UNC5D: variants seen among roughly 807,000 people sequenced by gnomAD.
UNC5D encodes the protein unc-5 netrin receptor D, also known as netrin receptor UNC5D.
UNC5D carries 39 observed loss-of-function variants against 105.4 expected under a neutral mutation model. That is an observed-to-expected ratio of 0.37 (90% CI 0.29 to 0.48). The LOEUF (loss-of-function observed/expected upper bound fraction) is 0.48, where lower values mean the gene tolerates loss of function less well. UNC5D is among the 20% of genes least tolerant of loss of function. UNC5D has a pLI of 0.98. For missense variants in UNC5D, 991 were observed against 1,202.4 expected, an observed-to-expected ratio of 0.82 and a Z score of 2.60; for synonymous variants, 452 against 450.4, an observed-to-expected ratio of 1.00 and a Z score of -0.04.
At chr8:35,405,147 T>C (rs1804722462) in intron 1 of UNC5D, among the ~76,000 whole-genome samples, 1 of 152,100 alleles carries the variant, frequency 6.6e-6, no homozygotes, top group South Asian at 2.1e-4. Flanking sequence ...CTGCAAGCAA[T>C]CTCATTTTTC....
chr8:35,646,728 C>G (rs913591811), intron 4 of UNC5D, among the ~76,000 whole-genome samples: 1 of 151,968 alleles, frequency 6.6e-6, no homozygotes, highest in African/African-American at 2.4e-5. Flanking sequence ...GATGGGATCA[C>G]TGATGATTAT....
rs1282873413 is a variant in UNC5D, at chr8:35,793,090, C to T, written c.*2527C>T. On this transcript the variant is annotated 3_prime_UTR_variant, in exon 17 of 17. Transcript: ENST00000404895. ...AGCCTAAGATTCAATCAAATTCATC[C>T]TTCAGCCTGTCTTGTTTCTTCTTTA... The T allele has an allele frequency of 8.8e-6, 4 of 453,236 alleles. No homozygotes were observed. The highest frequency in any genetic ancestry group is 3.1e-5 in the South Asian group (2 of 63,790). The allele number at this position is 453,236 out of a possible 1,614,324, so 28.1% of individuals were successfully genotyped here. A position where few individuals can be genotyped will look rare whatever the true frequency, so the allele number is the denominator to read the frequency against.
At chr8:35,544,759 C>T (rs1213313566) in intron 1 of UNC5D, among the ~76,000 whole-genome samples, 1 of 151,892 alleles carries the variant, frequency 6.6e-6, no homozygotes, top group Non-Finnish European at 1.5e-5. Context: ...TGTGCCACCA[C>T]ACCTGGCTAA....
intron 3 of UNC5D, among the ~76,000 whole-genome samples, chr8:35,571,702 A>G (rs896906421): frequency 6.6e-6 from 1 of 152,194 alleles, no homozygotes; most frequent in Non-Finnish European, 1.5e-5. Context: ...CAAGTGACAC[A>G]CTGTGTGTGA....
At chr8:35,561,131 G>C (rs1816927590) in intron 2 of UNC5D, among the ~76,000 whole-genome samples, 1 of 152,002 alleles carries the variant, frequency 6.6e-6, no homozygotes, top group African/African-American at 2.4e-5. Context: ...ACTTGCCTGT[G>C]AGTTTGCCTT....
At chr8:35,389,657 C>G (rs1803648394) in intron 1 of UNC5D, among the ~76,000 whole-genome samples, 1 of 149,432 alleles carries the variant, frequency 6.7e-6, no homozygotes, top group Non-Finnish European at 1.5e-5. Flanking sequence ...AGGCTGAAAA[C>G]TACTTTGCGG....
intron 4 of UNC5D, among the ~76,000 whole-genome samples, chr8:35,674,695 C>T (rs935024364): frequency 2.6e-5 from 4 of 152,138 alleles, no homozygotes; most frequent in Non-Finnish European, 5.9e-5. Flanking sequence ...ATGTGCGAGT[C>T]TAAAGGCTTC....
At chr8:35,398,314 TAAC>T (rs1378890717) in intron 1 of UNC5D, among the ~76,000 whole-genome samples, 4 of 152,300 alleles carry the variant, frequency 2.6e-5, no homozygotes, top group East Asian at 3.9e-4. Context: ...TCTCTATATA[TAAC>T]AACCTATCAT....
chr8:35,728,150 C>T (rs996563195), intron 10 of UNC5D, among the ~76,000 whole-genome samples: 19 of 144,890 alleles, frequency 1.3e-4, no homozygotes, highest in African/African-American at 4.5e-4. Flanking sequence ...TAAAGCCATG[C>T]ATTAAGTTAT....
intron 1 of UNC5D, among the ~76,000 whole-genome samples, chr8:35,439,279 T>A (rs1424036111): frequency 6.6e-6 from 1 of 151,970 alleles, no homozygotes; most frequent in Non-Finnish European, 1.5e-5. Flanking sequence ...TTAGGAAAAA[T>A]AACATGAGAG....
At chr8:35,250,408 G>T (rs1371115886) in intron 1 of UNC5D, among the ~76,000 whole-genome samples, 2 of 152,122 alleles carry the variant, frequency 1.3e-5, no homozygotes, top group African/African-American at 4.8e-5. Flanking sequence ...GCATGTGCAG[G>T]CTTGTTACCT....
chr8:35,280,691 G>A (rs532252320), intron 1 of UNC5D, among the ~76,000 whole-genome samples: 1 of 152,138 alleles, frequency 6.6e-6, no homozygotes, highest in Non-Finnish European at 1.5e-5. Flanking sequence ...ATCTTTAAAT[G>A]TATTTACAGT....
intron 4 of UNC5D, among the ~76,000 whole-genome samples, chr8:35,649,609 G>A (rs899736289): frequency 6.6e-6 from 1 of 152,088 alleles, no homozygotes; most frequent in Non-Finnish European, 1.5e-5. Flanking sequence ...GGAGAAACCT[G>A]GAAAACACCA....
intron 1 of UNC5D, among the ~76,000 whole-genome samples, chr8:35,319,948 T>C (rs575654959): frequency 1.3e-5 from 2 of 152,184 alleles, no homozygotes; most frequent in South Asian, 4.1e-4. Flanking sequence ...TGCCATGTAG[T>C]CTCTAGACTC....
intron 4 of UNC5D, among the ~76,000 whole-genome samples, chr8:35,652,313 A>G (rs1169748850): frequency 6.6e-6 from 1 of 152,196 alleles, no homozygotes; most frequent in Non-Finnish European, 1.5e-5. Context: ...TACTTATTTT[A>G]GCAATTTTTA....
intron 1 of UNC5D, among the ~76,000 whole-genome samples, chr8:35,347,904 C>T (rs1368835447): frequency 6.6e-6 from 1 of 151,976 alleles, no homozygotes; most frequent in Non-Finnish European, 1.5e-5. Flanking sequence ...GAATGAAGAT[C>T]TAACAGAAAC....
intron 13 of UNC5D, among the ~76,000 whole-genome samples, chr8:35,755,307 T>C (rs1830464691): frequency 6.6e-6 from 1 of 152,164 alleles, no homozygotes; most frequent in African/African-American, 2.4e-5. Flanking sequence ...AGCACTCCTA[T>C]ACAGTACTCT....
rs527266102 is a variant in UNC5D, at chr8:35,272,212, A to G, written c.103+36325A>G. Among the ~76,000 whole-genome samples the G allele has an allele frequency of 2.0e-4, 30 of 152,312 alleles. No homozygotes were observed. The South Asian group carries it at 5.2e-3, about 26-fold the overall frequency. The stretch of plus-strand genomic sequence containing the variant: ...AACTGAAAAATGATGTTTAAAAAGT[A>G]ACTATTACTTGAAGTATATTTTCAG... On this transcript the variant is annotated intron_variant, in intron 1 of 16. Coordinates refer to ENST00000404895, the MANE Select transcript of UNC5D (RefSeq NM_080872.4).
At chr8:35,728,095 A>AAAAAAAAAAAATATATAT (rs34672872) in intron 10 of UNC5D, among the ~76,000 whole-genome samples, 14 of 110,350 alleles carry the variant, frequency 1.3e-4, no homozygotes, top group African/African-American at 7.7e-4. Flanking sequence ...AAAAAAAAAA[A>AAAAAAAAAAAATATATAT]ATATATATAT....
Sources: allele counts gnomAD v4.1 joint callset (sites outside exome capture counted in the v4.1 genomes callset), GRCh38; gene constraint gnomAD v4.1.1; transcripts MANE v1.5; gene names NCBI Gene and HGNC (gene_info 2026-07-23, HGNC 2026-07-21).